LRRC37A2: variants seen among roughly 807,000 people sequenced by gnomAD.
LRRC37A2 encodes leucine-rich repeat-containing protein 37A2.
A neutral mutation model predicts 68.8 loss-of-function variants in LRRC37A2; 9 were observed. That is an observed-to-expected ratio of 0.13 (90% CI 0.08 to 0.23). The LOEUF (loss-of-function observed/expected upper bound fraction) is 0.23, where lower values mean the gene tolerates loss of function less well. Among genes scored for constraint, LRRC37A2 ranks in the 10% least tolerant of loss-of-function variants. LRRC37A2 has a pLI of 1.00. For synonymous variants in LRRC37A2, 63 were observed against 367.6 expected, an observed-to-expected ratio of 0.17 and a Z score of 9.48; for missense variants, 168 against 950.4, an observed-to-expected ratio of 0.18 and a Z score of 10.82.
chr17:46,585,188 G>A, the LRRC37A2 span, among the ~76,000 whole-genome samples: 12 of 146,384 alleles, frequency 8.2e-5, no homozygotes, highest in South Asian at 4.4e-4. Context: ...ATGGTGGTGC[G>A]TGCGTGTAAA....
chr17:47,009,708 G>A, the LRRC37A2 span, among the ~76,000 whole-genome samples: 5 of 152,312 alleles, frequency 3.3e-5, no homozygotes, highest in Admixed American at 2.0e-4. Context: ...CCCACGCCCC[G>A]GCAGGCCTCC....
At chr17:47,024,637 G>A in the LRRC37A2 span, 258 of 1,037,004 alleles carry the variant, frequency 2.5e-4, no homozygotes, top group Non-Finnish European at 3.7e-4. Context: ...GCAAATAGTT[G>A]TAGTTTGCAT....
the LRRC37A2 span, among the ~76,000 whole-genome samples, chr17:46,860,641 G>C: frequency 2.6e-5 from 4 of 152,202 alleles, no homozygotes; most frequent in Admixed American, 2.0e-4. Context: ...AGGATTCCAA[G>C]AAATCTAGTG....
the LRRC37A2 span, among the ~76,000 whole-genome samples, chr17:46,833,825 A>G: frequency 1.3e-5 from 2 of 151,962 alleles, no homozygotes; most frequent in African/African-American, 2.4e-5. Context: ...TTTTCCTTCA[A>G]CTTCCTTCGC....
chr17:47,012,740 A>G, the LRRC37A2 span, among the ~76,000 whole-genome samples: 1 of 152,256 alleles, frequency 6.6e-6, no homozygotes, highest in African/African-American at 2.4e-5. Flanking sequence ...ATATTGGTGA[A>G]GATGTAGAGA....
At chr17:46,878,386 G>A in the LRRC37A2 span, among the ~76,000 whole-genome samples, 1 of 152,234 alleles carries the variant, frequency 6.6e-6, no homozygotes, top group South Asian at 2.1e-4. Flanking sequence ...GACCTCCAAG[G>A]GCGAGGAGGA....
chr17:46,878,550 GA>G, the LRRC37A2 span, among the ~76,000 whole-genome samples: 1 of 152,200 alleles, frequency 6.6e-6, no homozygotes, highest in Admixed American at 6.5e-5. Context: ...GGCAGCAGGA[GA>G]AAAATGGGGA....
chr17:46,883,445 G>A, the LRRC37A2 span, among the ~76,000 whole-genome samples: 1 of 150,264 alleles, frequency 6.7e-6, no homozygotes, highest in African/African-American at 2.5e-5. Flanking sequence ...CCCCACGCCC[G>A]GCCTTATTTT....
the LRRC37A2 span, among the ~76,000 whole-genome samples, chr17:46,703,733 G>A: frequency 3.5e-5 from 5 of 144,242 alleles, no homozygotes; most frequent in South Asian, 2.2e-4. Context: ...AAAATTTACC[G>A]TGTAACCATT....
chr17:46,822,468 G>A, the LRRC37A2 span, among the ~76,000 whole-genome samples: 1 of 152,230 alleles, frequency 6.6e-6, no homozygotes, highest in East Asian at 1.9e-4. Context: ...GCAGGTGCAC[G>A]CGGAGGTCGG....
chr17:46,725,773 A>C, the LRRC37A2 span, among the ~76,000 whole-genome samples: 1 of 152,160 alleles, frequency 6.6e-6, no homozygotes, highest in Non-Finnish European at 1.5e-5. Context: ...GCTGGGATGC[A>C]GAAACTAATT....
the LRRC37A2 span, chr17:46,726,467 G>T: frequency 1.2e-5 from 15 of 1,245,152 alleles, no homozygotes; most frequent in East Asian, 3.5e-4. Context: ...GTTTAGTATT[G>T]CTCAAGAAGT....
At chr17:47,045,239 T>C in the LRRC37A2 span, among the ~76,000 whole-genome samples, 4 of 140,292 alleles carry the variant, frequency 2.9e-5, no homozygotes, top group Admixed American at 7.4e-5. Flanking sequence ...TCCCAATTCA[T>C]AGACTTCTTG....
the LRRC37A2 span, among the ~76,000 whole-genome samples, chr17:46,740,184 T>G: frequency 6.6e-6 from 1 of 152,178 alleles, no homozygotes; most frequent in African/African-American, 2.4e-5. Context: ...TAGTTGAAAT[T>G]GTTTAGCAGA....
the LRRC37A2 span, among the ~76,000 whole-genome samples, chr17:46,845,835 GGCTAGAGT>G: frequency 7.4e-6 from 1 of 135,550 alleles, no homozygotes; most frequent in African/African-American, 2.9e-5. Flanking sequence ...CTGTCCTCCA[GGCTAGAGT>G]GCAGTGGTGT....
the LRRC37A2 span, among the ~76,000 whole-genome samples, chr17:46,965,797 A>AT: frequency 0.071 from 9,702 of 137,612 alleles, 351 homozygotes; most frequent in African/African-American, 0.09. Flanking sequence ...TAATTTTTGT[A>AT]TTTTTTTTTT....
chr17:46,839,369 C>A, the LRRC37A2 span, among the ~76,000 whole-genome samples: 2 of 152,322 alleles, frequency 1.3e-5, no homozygotes, highest in Admixed American at 6.5e-5. Flanking sequence ...TAGCCCCTGG[C>A]GGGTCCAGGC....
At chr17:46,753,640 T>C in the LRRC37A2 span, among the ~76,000 whole-genome samples, 1 of 152,204 alleles carries the variant, frequency 6.6e-6, no homozygotes, top group Admixed American at 6.5e-5. Flanking sequence ...GAAGAAACTA[T>C]GTGGATTTTT....
chr17:47,018,861 T>A, the LRRC37A2 span: 2 of 1,519,516 alleles, frequency 1.3e-6, no homozygotes, highest in Non-Finnish European at 1.8e-6. Flanking sequence ...CACTCCAGAA[T>A]CCATGACAGA....
Sources: allele counts gnomAD v4.1 joint callset (sites outside exome capture counted in the v4.1 genomes callset), GRCh38; gene constraint gnomAD v4.1.1; transcripts MANE v1.5; gene names NCBI Gene and HGNC (gene_info 2026-07-23, HGNC 2026-07-21).